The following CDKAL1 variants were observed in gnomAD, a reference collection of about 807,000 sequenced individuals.
CDKAL1 encodes threonylcarbamoyladenosine tRNA methylthiotransferase.
A neutral mutation model predicts 68.2 loss-of-function variants in CDKAL1; 32 were observed. The ratio of observed to expected loss-of-function variants is 0.47; its 90% CI spans 0.35 to 0.63. The LOEUF is 0.63. CDKAL1 is among the 30% of genes least tolerant of loss of function. The pLI is 0.00. For synonymous variants in CDKAL1, 234 were observed against 244.3 expected, an observed-to-expected ratio of 0.96 and a Z score of 0.39; for missense variants, 606 against 696.7, an observed-to-expected ratio of 0.87 and a Z score of 1.47.
chr6:20,614,055 A>G (rs1256317268), intron 4 of CDKAL1, among the ~76,000 whole-genome samples: 1 of 152,042 alleles, frequency 6.6e-6, no homozygotes, highest in Admixed American at 6.6e-5. Flanking sequence ...TGCATTTCTT[A>G]CAAGGGTGAT....
intron 15 of CDKAL1, among the ~76,000 whole-genome samples, chr6:21,204,094 C>T (rs567143310): frequency 2.3e-4 from 35 of 152,150 alleles, no homozygotes; most frequent in Admixed American, 9.2e-4. Flanking sequence ...ATAGACAGGA[C>T]GTGGGGTCAG....
chr6:20,794,295 A>G (rs189844850), intron 8 of CDKAL1, among the ~76,000 whole-genome samples: 1 of 152,192 alleles, frequency 6.6e-6, no homozygotes, highest in East Asian at 1.9e-4. Flanking sequence ...CTGTAAATAT[A>G]TGGATTTGTC....
At chr6:20,601,083 A>T (rs947923943) in intron 4 of CDKAL1, among the ~76,000 whole-genome samples, 3 of 151,878 alleles carry the variant, frequency 2.0e-5, no homozygotes, top group Non-Finnish European at 4.4e-5. Context: ...CTAAATCTTC[A>T]GTTTTCTTTC....
At chr6:20,832,839 G>A (rs905833516) in intron 8 of CDKAL1, among the ~76,000 whole-genome samples, 5 of 152,164 alleles carry the variant, frequency 3.3e-5, no homozygotes, top group African/African-American at 1.2e-4. Flanking sequence ...TTGAAGGTAA[G>A]AAGTATACCT....
intron 10 of CDKAL1, among the ~76,000 whole-genome samples, chr6:20,961,222 AGT>A (rs1765041473): frequency 6.6e-6 from 1 of 152,216 alleles, no homozygotes; most frequent in Non-Finnish European, 1.5e-5. Flanking sequence ...GGATAAAGAC[AGT>A]GTGGTATGTG....
chr6:20,633,757 T>C (rs1767775030), intron 4 of CDKAL1, among the ~76,000 whole-genome samples: 1 of 152,220 alleles, frequency 6.6e-6, no homozygotes, highest in Non-Finnish European at 1.5e-5. Flanking sequence ...GGTTTTAATT[T>C]GTATTTCCCC....
intron 9 of CDKAL1, among the ~76,000 whole-genome samples, chr6:20,949,989 C>T (rs1305148401): frequency 6.6e-6 from 1 of 151,978 alleles, no homozygotes; most frequent in East Asian, 1.9e-4. Context: ...GAGGTTTCAC[C>T]GTGTTGGCCA....
chr6:21,068,077 C>T (rs898686109), intron 12 of CDKAL1, among the ~76,000 whole-genome samples: 1 of 152,084 alleles, frequency 6.6e-6, no homozygotes, highest in Non-Finnish European at 1.5e-5. Context: ...CCCGCCCTTA[C>T]CCCCAATTTA....
chr6:20,560,902 G>A (rs529544104), intron 4 of CDKAL1, among the ~76,000 whole-genome samples: 1 of 152,246 alleles, frequency 6.6e-6, no homozygotes, highest in South Asian at 2.1e-4. Flanking sequence ...TTTGGGAAGA[G>A]TTGTGGCTAT....
In CDKAL1 at chr6:21,231,061, T is replaced by C; in HGVS notation, c.*22T>C. On this transcript the variant is annotated 3_prime_UTR_variant, in exon 16 of 16. Coordinates refer to ENST00000274695, the MANE Select transcript of CDKAL1 (RefSeq NM_017774.3). ...TTAGAATACAACTAATGGAAACATC[T>C]ATAAAGAAGAATACATTTCTAATTA... The C allele has an allele frequency of 6.6e-7, 1 of 1,523,638 alleles. No individual in the cohort carries two copies. The allele number at this position is 1,523,638 out of a possible 1,614,324, so 94.4% of individuals were successfully genotyped here.
At chr6:21,144,435 G>A (rs1276275075) in intron 13 of CDKAL1, among the ~76,000 whole-genome samples, 1 of 152,018 alleles carries the variant, frequency 6.6e-6, no homozygotes, top group Non-Finnish European at 1.5e-5. Flanking sequence ...TCATATACTG[G>A]GAATGGATTC....
chr6:21,226,098 C>T (rs909699298), intron 15 of CDKAL1, among the ~76,000 whole-genome samples: 49 of 152,182 alleles, frequency 3.2e-4, no homozygotes, highest in Non-Finnish European at 2.5e-4. Context: ...CTCCTAGAAC[C>T]GGTTCCATCT....
chr6:20,861,818 T>A (rs547930292), intron 9 of CDKAL1, among the ~76,000 whole-genome samples: 1 of 152,334 alleles, frequency 6.6e-6, no homozygotes, highest in South Asian at 2.1e-4. Context: ...GGCAATATCA[T>A]GTGGACAGAG....
intron 4 of CDKAL1, among the ~76,000 whole-genome samples, chr6:20,561,446 G>GAAAAAAAAA (rs55750789): frequency 3.1e-4 from 25 of 79,646 alleles, no homozygotes; most frequent in African/African-American, 3.4e-4. Flanking sequence ...TCTCAAAAAA[G>GAAAAAAAAA]AAAAAAAAAA....
intron 5 of CDKAL1, among the ~76,000 whole-genome samples, chr6:20,660,598 A>C (rs974478932): frequency 2.6e-5 from 4 of 152,206 alleles, no homozygotes; most frequent in East Asian, 1.9e-4. Context: ...TCACTATCCT[A>C]AATGAGCTCC....
intron 4 of CDKAL1, among the ~76,000 whole-genome samples, chr6:20,613,249 CTTTTTTTTTTTTTTTTTTTTTTTTTTTTT>C (rs71559677): frequency 2.6e-5 from 2 of 77,866 alleles, no homozygotes; most frequent in South Asian, 4.2e-4. Context: ...AAATTTCTTT[CTTTTTTTTTTTTTTTTTTTTTTTTTTTTT>C]TTTTTTTTTT....
intron 11 of CDKAL1, among the ~76,000 whole-genome samples, chr6:21,004,807 A>G (rs1767635001): frequency 6.6e-6 from 1 of 151,928 alleles, no homozygotes; most frequent in East Asian, 1.9e-4. Context: ...AATAAAAATA[A>G]AAAAACTAGC....
intron 8 of CDKAL1, among the ~76,000 whole-genome samples, chr6:20,812,027 A>T (rs1204653409): frequency 6.6e-6 from 1 of 152,082 alleles, no homozygotes. Context: ...TCTGGCCTGG[A>T]TCCATTATTT....
intron 9 of CDKAL1, among the ~76,000 whole-genome samples, chr6:20,900,613 G>A (rs968458822): frequency 6.6e-6 from 1 of 152,188 alleles, no homozygotes; most frequent in Non-Finnish European, 1.5e-5. Context: ...GTTTCCCCCT[G>A]AAACATCTGT....
Sources: allele counts gnomAD v4.1 joint callset (sites outside exome capture counted in the v4.1 genomes callset), GRCh38; gene constraint gnomAD v4.1.1; transcripts MANE v1.5; gene names NCBI Gene and HGNC (gene_info 2026-07-23, HGNC 2026-07-21).